DNAJC13: variants seen among roughly 807,000 people sequenced by gnomAD.
DNAJC13 encodes the protein dnaJ homolog subfamily C member 13.
A neutral mutation model predicts 290.5 loss-of-function variants in DNAJC13; 75 were observed. The ratio of observed to expected loss-of-function variants is 0.26; its 90% CI spans 0.21 to 0.31. The LOEUF is 0.31. DNAJC13 is among the 10% of genes least tolerant of loss of function. The pLI is 1.00. For synonymous variants in DNAJC13, 862 were observed against 892.0 expected (o/e 0.97, Z 0.60); for missense variants, 2,260 against 2,674.5 (o/e 0.85, Z 3.42).
At chr3:132,508,607 T>C (rs1021033781) in intron 43 of DNAJC13, among the ~76,000 whole-genome samples, 1 of 152,162 alleles carries the variant, frequency 6.6e-6, no homozygotes, top group Non-Finnish European at 1.5e-5. Context: ...TAAAAGTGGC[T>C]ATAATAGACA....
chr3:132,484,509 C>A, intron 28 of DNAJC13, 79 bp from the exon 29 acceptor site: 1 of 1,293,580 alleles, frequency 7.7e-7, no homozygotes, highest in Non-Finnish European at 1.1e-6. Flanking sequence ...CTGCTTCATG[C>A]CTAGTAGAAT....
chr3:132,472,265 C>T (rs1240599384), intron 20 of DNAJC13, among the ~76,000 whole-genome samples: 1 of 152,192 alleles, frequency 6.6e-6, no homozygotes, highest in Non-Finnish European at 1.5e-5. Context: ...AGCAGAGATT[C>T]TTAACCTCTG....
At chr3:132,461,931 G>A (rs904385712) in intron 15 of DNAJC13, among the ~76,000 whole-genome samples, 11 of 152,026 alleles carry the variant, frequency 7.2e-5, no homozygotes, top group East Asian at 3.9e-4. Context: ...GAGCTTAAGC[G>A]ATCCTCCTGC....
At chr3:132,428,547 T>C (rs1939163846) in intron 1 of DNAJC13, among the ~76,000 whole-genome samples, 3 of 151,648 alleles carry the variant, frequency 2.0e-5, no homozygotes, top group Admixed American at 2.0e-4. Context: ...TGGACTCAAG[T>C]GATCCTCCCA....
chr3:132,420,074 GAGAC>G (rs1938910524), intron 1 of DNAJC13, among the ~76,000 whole-genome samples: 1 of 152,236 alleles, frequency 6.6e-6, no homozygotes, highest in Non-Finnish European at 1.5e-5. Flanking sequence ...GAAAATTTGA[GAGAC>G]AGTGCTTACA....
intron 43 of DNAJC13, 41 bp downstream of exon 43, chr3:132,507,394 A>G: frequency 8.7e-7 from 1 of 1,152,620 alleles, no homozygotes; most frequent in South Asian, 1.3e-5. Context: ...ACCTTTGATC[A>G]TTTGTTACTG....
Position 132,538,550 on chromosome 3 carries a change from T to A in DNAJC13, c.*268T>A. 3.8e-6 allele frequency: 1 copy of A among 260,208 alleles called. No individual in the cohort carries two copies. The highest frequency in any genetic ancestry group is 7.2e-6 in the Non-Finnish European group (1 of 139,460). 16.1% of individuals were successfully genotyped at this position (260,208 alleles called of 1,614,324 possible). A position where few individuals can be genotyped will look rare whatever the true frequency, so the allele number is the denominator to read the frequency against. On this transcript the variant is annotated 3_prime_UTR_variant, in exon 56 of 56. Transcript: ENST00000260818. ...GCACATTTGTTCCTTTATATCTGTT[T>A]ACAAAACTGTGAATCAAAAAGACAA...
intron 51 of DNAJC13, among the ~76,000 whole-genome samples, 187 bp from the exon 52 acceptor site, chr3:132,525,423 T>A (rs1936224594): frequency 6.6e-6 from 1 of 152,236 alleles, no homozygotes; most frequent in Admixed American, 6.5e-5. Context: ...TTAAAGTCCT[T>A]TAGATTCATG....
intron 2 of DNAJC13, among the ~76,000 whole-genome samples, chr3:132,445,927 A>C (rs887154228): frequency 6.6e-6 from 1 of 152,104 alleles, no homozygotes; most frequent in Admixed American, 6.6e-5. Flanking sequence ...TGAAGTGAGA[A>C]GTGAAAACTG....
At chr3:132,430,620 C>T (rs145893118) in intron 1 of DNAJC13, among the ~76,000 whole-genome samples, 5 of 152,256 alleles carry the variant, frequency 3.3e-5, no homozygotes, top group African/African-American at 4.8e-5. Flanking sequence ...AATACAAACC[C>T]CATTCTTCAG....
At chr3:132,498,651 G>T (rs1935310386) in intron 36 of DNAJC13, among the ~76,000 whole-genome samples, 1 of 151,934 alleles carries the variant, frequency 6.6e-6, no homozygotes, top group Admixed American at 6.6e-5. Flanking sequence ...TTATCAACTG[G>T]CATTAGGAGG....
chr3:132,516,929 T>C (rs564659243), intron 48 of DNAJC13, 113 bp downstream of exon 48: 1 of 935,988 alleles, frequency 1.1e-6, no homozygotes, highest in South Asian at 1.7e-5. Context: ...GGAAATGAGG[T>C]GATGTGAAAG....
At chr3:132,469,228 T>A (rs1035191429) in intron 20 of DNAJC13, among the ~76,000 whole-genome samples, 2 of 152,234 alleles carry the variant, frequency 1.3e-5, no homozygotes, top group African/African-American at 4.8e-5. Context: ...ATTTTATTAA[T>A]AGAAACACTA....
intron 20 of DNAJC13, among the ~76,000 whole-genome samples, chr3:132,469,148 AT>A (rs1934099822): frequency 6.6e-6 from 1 of 152,234 alleles, no homozygotes; most frequent in Non-Finnish European, 1.5e-5. Flanking sequence ...TCAATGGCTT[AT>A]CCCCTTTCTG....
rs1308021550 is a variant in DNAJC13, at chr3:132,538,817, A to G, written c.*535A>G. The G allele has an allele frequency of 6.6e-6, 1 of 152,326 alleles. No individual in the cohort carries two copies. Among genetic ancestry groups the G allele is most frequent in the Non-Finnish European group, 1.5e-5 (1 of 68,058 alleles). 9.4% of individuals were successfully genotyped at this position (152,326 alleles called of 1,614,324 possible). ...AAGCTCACAGTACACATTAGTATGTATAACTGGCTTTACCAAATTGAATGA... is the reference window on the plus strand; with the variant it reads ...AAGCTCACAGTACACATTAGTATGTGTAACTGGCTTTACCAAATTGAATGA... On this transcript the variant is annotated 3_prime_UTR_variant, in exon 56 of 56. Transcript: ENST00000260818.
intron 1 of DNAJC13, among the ~76,000 whole-genome samples, chr3:132,430,618 C>A (rs1160276828): frequency 6.6e-6 from 1 of 152,160 alleles, no homozygotes. Flanking sequence ...GGAATACAAA[C>A]CCCATTCTTC....
In DNAJC13 at chr3:132,489,012, G is replaced by A; in HGVS notation, c.3459G>A (p.Lys1153=). 6.2e-7 allele frequency: 1 copy of A among 1,610,850 alleles called. No individual in the cohort carries two copies. The highest frequency in any genetic ancestry group is 8.5e-7 in the Non-Finnish European group (1 of 1,177,584). Residue 1153 remains lysine (K), a synonymous_variant, in exon 31 of 56, where the codon AAG becomes AAA. Transcript: ENST00000260818. ...LKYTHTKQAF[K]SEETKGQDIF... The stretch of plus-strand genomic sequence containing the variant: ...ACACACATACCAAACAGGCTTTCAA[G>A]TCAGAAGAGGTAAGCCAGGTTAATC...
chr3:132,502,608 C>A, intron 40 of DNAJC13, 140 bp downstream of exon 40: 1 of 711,650 alleles, frequency 1.4e-6, no homozygotes, highest in Admixed American at 3.5e-5. Context: ...CTTTTTAAAC[C>A]TAATCACTTA....
intron 2 of DNAJC13, among the ~76,000 whole-genome samples, chr3:132,440,222 A>G (rs1278710762): frequency 6.6e-6 from 1 of 152,170 alleles, no homozygotes; most frequent in East Asian, 1.9e-4. Flanking sequence ...ACGCCGCTAC[A>G]CTCCATCTTG....
Sources: gnomAD v4.1 joint callset for allele counts (sites outside exome capture counted in the v4.1 genomes callset) on GRCh38, gnomAD v4.1.1 for gene constraint, MANE v1.5 for transcripts, NCBI Gene and HGNC (gene_info 2026-07-23, HGNC 2026-07-21) for gene names.